GPC6: variants seen among roughly 807,000 people sequenced by gnomAD.
The protein encoded by GPC6 is glypican-6.
Under a neutral mutation model 55.2 loss-of-function variants are expected in GPC6, and 14 were observed. That is an observed-to-expected ratio of 0.25 (90% confidence interval 0.17 to 0.40). The LOEUF is 0.40. Ranked by LOEUF, GPC6 falls within the 10% of genes least tolerant of loss-of-function variation. The pLI is 1.00. For synonymous variants in GPC6, 278 were observed against 259.6 expected, an observed-to-expected ratio of 1.07 and a Z score of -0.68; for missense variants, 641 against 708.5, an observed-to-expected ratio of 0.90 and a Z score of 1.08.
chr13:94,140,252 G>A (rs1003892723), intron 4 of GPC6, among the ~76,000 whole-genome samples: 1 of 152,148 alleles, frequency 6.6e-6, no homozygotes, highest in African/African-American at 2.4e-5. Context: ...GGGACTGGAA[G>A]TTCCTCTGTG....
chr13:94,296,951 T>C (rs1748765525), intron 5 of GPC6, among the ~76,000 whole-genome samples: 1 of 151,242 alleles, frequency 6.6e-6, no homozygotes, highest in Non-Finnish European at 1.5e-5. Context: ...ACAACTTAAT[T>C]TTTAATAATC....
intron 1 of GPC6, among the ~76,000 whole-genome samples, chr13:93,230,475 G>A (rs985046393): frequency 6.6e-6 from 1 of 152,132 alleles, no homozygotes; most frequent in Admixed American, 6.5e-5. Context: ...ATGGCAAGGA[G>A]ATCAGATAGA....
intron 4 of GPC6, among the ~76,000 whole-genome samples, chr13:94,221,325 T>C (rs1890377275): frequency 6.6e-6 from 1 of 152,154 alleles, no homozygotes; most frequent in South Asian, 2.1e-4. Flanking sequence ...GTAAGTGATA[T>C]GTCAGTCTTC....
chr13:94,242,878 A>G (rs1891095872), intron 4 of GPC6, among the ~76,000 whole-genome samples: 1 of 152,050 alleles, frequency 6.6e-6, no homozygotes, highest in South Asian at 2.1e-4. Context: ...GCTACACAAA[A>G]TCCTATTGGT....
In GPC6 at chr13:94,023,585, T is replaced by C. The variant is rs115359113; in HGVS notation, c.712-4144T>C. Among the ~76,000 whole-genome samples, 1,362 of 152,150 alleles carry C rather than the reference T, an allele frequency of 9.0e-3. 23 individuals carry two copies. The highest frequency in any genetic ancestry group is 0.032 in the African/African-American group (1,309 of 41,548). ...TAGCGATTTCTTACAAAACGAAACA[T>C]ACTCTTACCACCATGTGATCCAGCA... On this transcript the variant is annotated intron_variant, in intron 3 of 8. Coordinates refer to ENST00000377047, the MANE Select transcript of GPC6 (RefSeq NM_005708.5).
Position 94,240,598 on chromosome 13 carries a change from A to G in GPC6, c.878-45751A>G, listed in dbSNP as rs1165666786. Among the ~76,000 whole-genome samples the G allele has an allele frequency of 2.0e-5, 3 of 151,698 alleles. 1 individual carries two copies. Among genetic ancestry groups the G allele is most frequent in the Admixed American group, 1.3e-4 (2 of 15,194 alleles). On this transcript the variant is annotated intron_variant, in intron 4 of 8. Coordinates refer to ENST00000377047, the MANE Select transcript of GPC6 (RefSeq NM_005708.5). ...GCAAATCCTTATCCTCTTGGAGTAG[A>G]TATTCCAGTGTTGGGAGACAGAAAG...
chr13:94,224,329 A>G (rs916325954), intron 4 of GPC6, among the ~76,000 whole-genome samples: 2 of 150,614 alleles, frequency 1.3e-5, no homozygotes, highest in African/African-American at 4.9e-5. Flanking sequence ...AATAGAATTT[A>G]AAATAAAAAT....
chr13:94,031,144 AG>A (rs1883121366), intron 4 of GPC6, among the ~76,000 whole-genome samples: 1 of 151,906 alleles, frequency 6.6e-6, no homozygotes, highest in South Asian at 2.1e-4. Context: ...CGAAAAAATC[AG>A]GAGTCTATTT....
chr13:94,131,914 A>C (rs899171877), intron 4 of GPC6, among the ~76,000 whole-genome samples: 33 of 152,358 alleles, frequency 2.2e-4, no homozygotes, highest in African/African-American at 7.9e-4. Flanking sequence ...AAAGGATTTC[A>C]TAGTCAAATA....
intron 2 of GPC6, among the ~76,000 whole-genome samples, chr13:93,773,971 A>G (rs953165674): frequency 2.6e-5 from 4 of 152,192 alleles, no homozygotes; most frequent in Non-Finnish European, 5.9e-5. Context: ...GTAAGAAGAC[A>G]TGTTGAGATC....
At chr13:94,254,532 T>A (rs1361019764) in intron 4 of GPC6, among the ~76,000 whole-genome samples, 1 of 152,036 alleles carries the variant, frequency 6.6e-6, no homozygotes, top group African/African-American at 2.4e-5. Flanking sequence ...CTTAATATAA[T>A]GATAATAATA....
chr13:94,152,931 A>C (rs116776330), intron 4 of GPC6, among the ~76,000 whole-genome samples: 1,649 of 152,286 alleles, frequency 0.011, 15 homozygotes, highest in African/African-American at 0.026. Context: ...TTTGAAATCT[A>C]TAAGATTTGT....
intron 1 of GPC6, among the ~76,000 whole-genome samples, chr13:93,425,913 C>T (rs1325907921): frequency 6.6e-6 from 1 of 152,132 alleles, no homozygotes; most frequent in Non-Finnish European, 1.5e-5. Flanking sequence ...GCCCTGCAGC[C>T]CACGGCTTTA....
chr13:93,410,131 T>G (rs1181220742), intron 1 of GPC6, among the ~76,000 whole-genome samples: 3 of 152,164 alleles, frequency 2.0e-5, no homozygotes, highest in African/African-American at 7.2e-5. Flanking sequence ...ACTATTGGAT[T>G]TAATATCTGC....
chr13:93,997,739 T>C (rs527601790), intron 3 of GPC6, among the ~76,000 whole-genome samples: 3 of 152,166 alleles, frequency 2.0e-5, no homozygotes, highest in Non-Finnish European at 4.4e-5. Context: ...AAAGGAGTTG[T>C]TGTAGATATT....
chr13:93,510,511 T>C (rs1380132955), intron 1 of GPC6, among the ~76,000 whole-genome samples: 2 of 152,092 alleles, frequency 1.3e-5, no homozygotes, highest in African/African-American at 2.4e-5. Flanking sequence ...ACTTTTTAAT[T>C]GCTGAAGAGT....
At chr13:93,252,439 G>A (rs1048138881) in intron 1 of GPC6, among the ~76,000 whole-genome samples, 1 of 152,050 alleles carries the variant, frequency 6.6e-6, no homozygotes, top group Non-Finnish European at 1.5e-5. Context: ...GTGCACACTC[G>A]TGACAATGCT....
chr13:94,402,976 T>C (rs1335170687), intron 8 of GPC6, 39 bp from the exon 9 acceptor site: 1 of 1,396,652 alleles, frequency 7.2e-7, no homozygotes, highest in African/African-American at 1.4e-5. Context: ...CCTAAACATA[T>C]CAGTGGTCTA....
At chr13:94,294,676 GA>G (rs1232275001) in intron 5 of GPC6, among the ~76,000 whole-genome samples, 1 of 151,852 alleles carries the variant, frequency 6.6e-6, no homozygotes, top group African/African-American at 2.4e-5. Flanking sequence ...AATGTTCGGG[GA>G]AAATAATATC....
Sources: allele counts gnomAD v4.1 joint callset (sites outside exome capture counted in the v4.1 genomes callset), GRCh38; gene constraint gnomAD v4.1.1; transcripts MANE v1.5; gene names NCBI Gene and HGNC (gene_info 2026-07-23, HGNC 2026-07-21).